The following NUDT9 variants were observed in gnomAD, a reference collection of about 807,000 sequenced individuals.
NUDT9 encodes the protein nudix hydrolase 9.
A neutral mutation model predicts 41.0 loss-of-function variants in NUDT9; 31 were observed. The observed-to-expected ratio is 0.76, with a 90% confidence interval of 0.57 to 1.02. The LOEUF (loss-of-function observed/expected upper bound fraction) is 1.02, where lower values mean the gene tolerates loss of function less well. Ranked by LOEUF, NUDT9 falls within the 50% of genes least tolerant of loss-of-function variation. The pLI is 0.00. For missense variants in NUDT9, 380 were observed against 431.4 expected, an observed-to-expected ratio of 0.88 and a Z score of 1.06; for synonymous variants, 146 against 147.6, an observed-to-expected ratio of 0.99 and a Z score of 0.08.
At chr4:87,428,107 C>T (rs1219985756) in intron 1 of NUDT9, among the ~76,000 whole-genome samples, 3 of 152,190 alleles carry the variant, frequency 2.0e-5, no homozygotes, top group Non-Finnish European at 2.9e-5. Context: ...CACTAGTTTT[C>T]AGCCCGTCTG....
intron 3 of NUDT9, among the ~76,000 whole-genome samples, chr4:87,439,891 C>T (rs1722127445): frequency 1.3e-5 from 2 of 152,234 alleles, no homozygotes; most frequent in South Asian, 4.1e-4. Context: ...AAAGAAGGAT[C>T]ACAGATTTGA....
chr4:87,457,848 A>T lies in NUDT9; in HGVS notation c.880A>T (p.Ile294Leu). Residue 294 changes from isoleucine to leucine, a missense_variant, in exon 8 of 8, where the codon ATA (isoleucine) becomes TTA (leucine). Physicochemically the swap from Ile to Leu is conservative, Grantham distance 5 (BLOSUM62 2). Transcript: ENST00000302174. ...AVNYHDETGE[I>L]MDNLMLEAGD... ...GGTTTTTCTTTGGCAACCAGGTGAG[A>T]TAATGGATAATCTTATGCTAGAAGC... is the stretch of plus-strand genomic sequence containing the variant. The T allele has an allele frequency of 6.2e-7, 1 of 1,610,042 alleles. No homozygotes were observed. The highest frequency in any genetic ancestry group is 1.3e-5 in the African/African-American group (1 of 74,618).
At chr4:87,436,409 C>T (rs979574680) in intron 2 of NUDT9, among the ~76,000 whole-genome samples, 12 of 152,182 alleles carry the variant, frequency 7.9e-5, no homozygotes, top group African/African-American at 2.7e-4. Flanking sequence ...CTCCTGGGCT[C>T]AAGTGATCCT....
chr4:87,440,345 T>C (rs1396323783), intron 3 of NUDT9, among the ~76,000 whole-genome samples: 1 of 152,160 alleles, frequency 6.6e-6, no homozygotes, highest in Non-Finnish European at 1.5e-5. Context: ...ACTCTCTCTC[T>C]GCTTCATTTA....
Position 87,454,454 on chromosome 4 carries a change from A to G in NUDT9, c.873A>G (p.Thr291=). Residue 291 remains threonine, a splice_region_variant and synonymous_variant, in exon 7 of 8, where the codon ACA becomes ACG. Coordinates refer to ENST00000302174, the MANE Select transcript of NUDT9 (RefSeq NM_024047.5). Reference sequence around the variant, plus strand: ...AAGCTGTGAACTACCATGACGAAACAGGTAACTTTATATTTATTAAACTGG... The same window carrying G: ...AAGCTGTGAACTACCATGACGAAACGGGTAACTTTATATTTATTAAACTGG... ...ETEAVNYHDE[T]GEIMDNLMLE... The G allele has an allele frequency of 6.3e-7, 1 of 1,586,588 alleles. No homozygotes were observed. Among genetic ancestry groups the G allele is most frequent in the Non-Finnish European group, 8.7e-7 (1 of 1,155,018 alleles).
chr4:87,429,025 G>A (rs909240528), intron 1 of NUDT9, among the ~76,000 whole-genome samples: 1 of 152,138 alleles, frequency 6.6e-6, no homozygotes. Flanking sequence ...ACTGCCTTTA[G>A]GGCAGTGAAA....
intron 1 of NUDT9, among the ~76,000 whole-genome samples, chr4:87,426,704 TG>T (rs1721439077): frequency 6.6e-6 from 1 of 151,492 alleles, no homozygotes; most frequent in African/African-American, 2.4e-5. Flanking sequence ...CCACTGCGCC[TG>T]GCCTTAATGT....
At chr4:87,425,693 G>GC (rs1721383482) in intron 1 of NUDT9, among the ~76,000 whole-genome samples, 2 of 136,108 alleles carry the variant, frequency 1.5e-5, no homozygotes, top group African/African-American at 5.5e-5. Context: ...CCCACGCCTG[G>GC]CCAAGACCCT....
chr4:87,448,112 A>C (rs928719041), intron 4 of NUDT9, among the ~76,000 whole-genome samples: 6 of 149,168 alleles, frequency 4.0e-5, no homozygotes, highest in African/African-American at 1.5e-4. Context: ...CTTTTCTCTT[A>C]GCACAGGGTG....
chr4:87,454,513 C>T, intron 7 of NUDT9, 58 bp downstream of exon 7: 1 of 1,051,428 alleles, frequency 9.5e-7, no homozygotes. Flanking sequence ...GCCATTAGCC[C>T]ACTAAGGCAT....
intron 5 of NUDT9, among the ~76,000 whole-genome samples, chr4:87,450,320 G>A (rs1481082169): frequency 1.3e-5 from 2 of 151,298 alleles, no homozygotes; most frequent in African/African-American, 4.9e-5. Flanking sequence ...AAAAATGAGT[G>A]GAAATAAGGA....
intron 1 of NUDT9, among the ~76,000 whole-genome samples, chr4:87,430,879 G>A (rs980189813): frequency 6.6e-5 from 10 of 152,136 alleles, no homozygotes; most frequent in African/African-American, 2.2e-4. Context: ...CCTGTTCCAT[G>A]GGTTGCTTTT....
At chr4:87,438,112 G>A (rs1482533785) in intron 2 of NUDT9, among the ~76,000 whole-genome samples, 165 bp from the exon 3 acceptor site, 5 of 141,148 alleles carry the variant, frequency 3.5e-5, no homozygotes, top group Admixed American at 7.1e-5. Flanking sequence ...CTTAAAAATT[G>A]TTTTGAAGGA....
At chr4:87,433,321 C>T (rs1721769431) in intron 1 of NUDT9, among the ~76,000 whole-genome samples, 1 of 152,128 alleles carries the variant, frequency 6.6e-6, no homozygotes, top group Admixed American at 6.5e-5. Context: ...TGGAAGAGTT[C>T]CTGCACCTTT....
chr4:87,445,875 CAT>C (rs1722424082), intron 4 of NUDT9, among the ~76,000 whole-genome samples: 1 of 151,992 alleles, frequency 6.6e-6, no homozygotes, highest in East Asian at 1.9e-4. Flanking sequence ...AATCTGAGAA[CAT>C]ATGCAAGCTG....
chr4:87,453,064 G>A (rs1357058085), intron 6 of NUDT9, among the ~76,000 whole-genome samples: 2 of 151,864 alleles, frequency 1.3e-5, no homozygotes, highest in African/African-American at 4.8e-5. Flanking sequence ...CGCCTGCCTC[G>A]GCCTCCCAAA....
At chr4:87,425,544 A>G (rs531747383) in intron 1 of NUDT9, among the ~76,000 whole-genome samples, 61 of 151,222 alleles carry the variant, frequency 4.0e-4, no homozygotes, top group African/African-American at 1.5e-3. Flanking sequence ...ACAGGCGCCC[A>G]TCACCATGCC....
At position 87,457,850 on chromosome 4, in the gene NUDT9, A is replaced by G. The variant is rs1445723089; in HGVS notation, c.882A>G (p.Ile294Met). The change falls in exon 8 of 8, where the codon ATA becomes ATG. Residue 294 changes from isoleucine to methionine, a missense_variant. Physicochemically the swap from Ile to Met is conservative, Grantham distance 10. Coordinates refer to ENST00000302174, the MANE Select transcript of NUDT9 (RefSeq NM_024047.5). ...AVNYHDETGE[I>M]MDNLMLEAGD... ...TTTTTCTTTGGCAACCAGGTGAGATAATGGATAATCTTATGCTAGAAGCTG... is the reference window on the plus strand; with the variant it reads ...TTTTTCTTTGGCAACCAGGTGAGATGATGGATAATCTTATGCTAGAAGCTG... The G allele has an allele frequency of 3.1e-6, 5 of 1,609,952 alleles. No homozygotes were observed. Among genetic ancestry groups the G allele is most frequent in the Non-Finnish European group, 4.2e-6 (5 of 1,178,590 alleles).
At chr4:87,432,663 T>C (rs1253594411) in intron 1 of NUDT9, among the ~76,000 whole-genome samples, 1 of 152,184 alleles carries the variant, frequency 6.6e-6, no homozygotes, top group Non-Finnish European at 1.5e-5. Context: ...GCCTTTATTA[T>C]GTTGAGGTAA....
Sources: allele counts gnomAD v4.1 joint callset (sites outside exome capture counted in the v4.1 genomes callset), GRCh38; gene constraint gnomAD v4.1.1; transcripts MANE v1.5; gene names NCBI Gene and HGNC (gene_info 2026-07-23, HGNC 2026-07-21).